The following GLIS3 variants were observed in gnomAD, a reference collection of about 807,000 sequenced individuals.
The protein encoded by GLIS3 is GLIS family zinc finger 3.
A neutral mutation model predicts 78.6 loss-of-function variants in GLIS3; 53 were observed. That is an observed-to-expected ratio of 0.67 (90% confidence interval 0.54 to 0.85). The LOEUF (loss-of-function observed/expected upper bound fraction) is 0.85, where lower values mean the gene tolerates loss of function less well. Ranked by LOEUF, GLIS3 falls within the 40% of genes least tolerant of loss-of-function variation. GLIS3 has a pLI of 0.00. For synonymous variants in GLIS3, 684 were observed against 509.9 expected (o/e 1.34, Z -4.60); for missense variants, 1,703 against 1,231.1 (o/e 1.38, Z -5.74).
chr9:4,429,480 T>G, the GLIS3 span, among the ~76,000 whole-genome samples: 1 of 152,192 alleles, frequency 6.6e-6, no homozygotes, highest in East Asian at 1.9e-4. Context: ...TCTTCTTACC[T>G]TCAGATCTCA....
chr9:4,193,336 G>T (rs947598166), intron 2 of GLIS3, among the ~76,000 whole-genome samples: 2 of 152,178 alleles, frequency 1.3e-5, no homozygotes, highest in African/African-American at 4.8e-5. Context: ...GACAATATTT[G>T]TCCATTTACA....
At chr9:4,082,220 C>T (rs2130704440) in intron 4 of GLIS3, among the ~76,000 whole-genome samples, 1 of 152,266 alleles carries the variant, frequency 6.6e-6, no homozygotes, top group African/African-American at 2.4e-5. Context: ...TGTGGCACTG[C>T]TTATCAGCAC....
chr9:3,856,464 C>G lies in GLIS3; in HGVS notation c.2298-280G>C, dbSNP rs1478069673. On this transcript the variant is annotated intron_variant, in intron 8 of 10. Coordinates refer to ENST00000381971, the MANE Select transcript of GLIS3 (RefSeq NM_001042413.2). The stretch of plus-strand genomic sequence containing the variant: ...TTCTCAAGATTTCTAAGCTGCATTT[C>G]AAATACACTATGTTTGGTGAAATTC... Among the ~76,000 whole-genome samples the G allele has an allele frequency of 2.0e-5, 3 of 152,306 alleles. No individual in the cohort carries two copies. The East Asian group carries it at 5.8e-4, about 29-fold the overall frequency.
At chr9:4,240,315 C>A (rs1465892370) in intron 2 of GLIS3, among the ~76,000 whole-genome samples, 8 of 152,080 alleles carry the variant, frequency 5.3e-5, no homozygotes, top group African/African-American at 1.7e-4. Context: ...ATAGGGTTTG[C>A]GCTCTTATGA....
chr9:4,072,007 C>T (rs1482039929), intron 4 of GLIS3: 1 of 152,198 alleles, frequency 6.6e-6, no homozygotes, highest in Non-Finnish European at 1.5e-5. Context: ...AAGCAGACAG[C>T]TCTGTACAAC....
chr9:4,376,275 A>G, the GLIS3 span, among the ~76,000 whole-genome samples: 2 of 152,152 alleles, frequency 1.3e-5, no homozygotes, highest in Non-Finnish European at 2.9e-5. Flanking sequence ...CGAAAGAAAA[A>G]CTAATTCATC....
At chr9:4,284,780 T>C (rs1046551816) in intron 2 of GLIS3, among the ~76,000 whole-genome samples, 5 of 150,292 alleles carry the variant, frequency 3.3e-5, no homozygotes, top group African/African-American at 1.2e-4. Flanking sequence ...TAGCCAGGCG[T>C]TGTGGCACGC....
the GLIS3 span, among the ~76,000 whole-genome samples, chr9:4,453,622 G>A: frequency 1.3e-5 from 2 of 152,114 alleles, no homozygotes; most frequent in Admixed American, 6.6e-5. Context: ...TGATAGACTG[G>A]ATTAAGAAAA....
rs182297632 is a variant in GLIS3 at position 4,221,447 on chromosome 9, T to A, written c.388+64591A>T. 3.0e-3 allele frequency among the ~76,000 whole-genome samples: 458 copies of A among 152,348 alleles called. 2 individuals carry two copies. Among genetic ancestry groups the A allele is most frequent in the South Asian group, 9.1e-3 (44 of 4,824 alleles). On this transcript the variant is annotated intron_variant, in intron 2 of 10. Coordinates refer to ENST00000381971, the MANE Select transcript of GLIS3 (RefSeq NM_001042413.2). ...TTCAAACATGTGCAAAACACATGTA[T>A]CATGCAGGGTCCATGAATTAGCTGG...
At chr9:4,324,621 T>A (rs950371720) in intron 2 of GLIS3, among the ~76,000 whole-genome samples, 3 of 152,240 alleles carry the variant, frequency 2.0e-5, no homozygotes, top group Non-Finnish European at 4.4e-5. Flanking sequence ...TTCTGAAATA[T>A]CTTCTCAAAA....
intron 6 of GLIS3, among the ~76,000 whole-genome samples, chr9:3,916,230 G>T (rs775079382): frequency 6.6e-6 from 1 of 152,218 alleles, no homozygotes; most frequent in Non-Finnish European, 1.5e-5. Flanking sequence ...AGGAAAGGTA[G>T]TATGTGAAAT....
chr9:4,327,987 A>T (rs1817627861), intron 2 of GLIS3, among the ~76,000 whole-genome samples: 1 of 152,150 alleles, frequency 6.6e-6, no homozygotes, highest in South Asian at 2.1e-4. Flanking sequence ...GGAAGGCAAA[A>T]GCCTCCACAT....
chr9:4,173,264 G>C lies in GLIS3; in HGVS notation c.389-47323C>G, dbSNP rs565900421. ...TTTAAGTGGCTACATTTCAGTAAAA[G>C]CTCCTATTATATTAAGGCTTTAATG... On this transcript the variant is annotated intron_variant, in intron 2 of 10. Transcript: ENST00000381971. Among the ~76,000 whole-genome samples, 5 of 152,274 alleles carry C rather than the reference G, an allele frequency of 3.3e-5. No homozygotes were observed. In the South Asian group the frequency reaches 1.0e-3, roughly 32 times the overall value.
At chr9:4,000,598 G>C (rs927842510) in intron 4 of GLIS3, among the ~76,000 whole-genome samples, 2 of 152,152 alleles carry the variant, frequency 1.3e-5, no homozygotes, top group African/African-American at 4.8e-5. Flanking sequence ...AAAAGAAAAG[G>C]TTATTTTCTT....
chr9:3,897,986 A>G (rs1822983907), intron 7 of GLIS3, among the ~76,000 whole-genome samples: 1 of 152,238 alleles, frequency 6.6e-6, no homozygotes, highest in Non-Finnish European at 1.5e-5. Flanking sequence ...AGAGTGTTCC[A>G]TATGTAAGGA....
At chr9:4,033,499 C>T (rs1281141297) in intron 4 of GLIS3, among the ~76,000 whole-genome samples, 1 of 152,112 alleles carries the variant, frequency 6.6e-6, no homozygotes, top group Non-Finnish European at 1.5e-5. Flanking sequence ...TGCAGACTCC[C>T]TATCCCATGG....
chr9:4,384,334 C>T, the GLIS3 span, among the ~76,000 whole-genome samples: 4 of 77,238 alleles, frequency 5.2e-5, no homozygotes, highest in Admixed American at 1.4e-4. Flanking sequence ...CAGGACTCAC[C>T]TTCACTGGAA....
At chr9:4,232,201 G>A (rs189366710) in intron 2 of GLIS3, among the ~76,000 whole-genome samples, 2 of 151,962 alleles carry the variant, frequency 1.3e-5, no homozygotes, top group African/African-American at 4.8e-5. Flanking sequence ...AACATAGCAA[G>A]ATTCTGTCTC....
At chr9:4,434,131 G>A in the GLIS3 span, among the ~76,000 whole-genome samples, 3 of 149,938 alleles carry the variant, frequency 2.0e-5, no homozygotes, top group Non-Finnish European at 4.4e-5. Context: ...TACCTAAATT[G>A]CAATTGTGTA....
Sources: gnomAD v4.1 joint callset for allele counts (sites outside exome capture counted in the v4.1 genomes callset) on GRCh38, gnomAD v4.1.1 for gene constraint, MANE v1.5 for transcripts, NCBI Gene and HGNC (gene_info 2026-07-23, HGNC 2026-07-21) for gene names.